The following CSE1L variants were observed in gnomAD, a reference collection of about 807,000 sequenced individuals.
The protein encoded by CSE1L is exportin-2.
Under a neutral mutation model 120.4 loss-of-function variants are expected in CSE1L, and 24 were observed. The ratio of observed to expected loss-of-function variants is 0.20; its 90% confidence interval spans 0.14 to 0.28. The LOEUF (loss-of-function observed/expected upper bound fraction) is 0.28. CSE1L is among the 10% of genes least tolerant of loss of function. CSE1L has a pLI of 1.00. For missense variants in CSE1L, 830 were observed against 1,145.2 expected, an observed-to-expected ratio of 0.72 and a Z score of 3.97; for synonymous variants, 402 against 398.3, an observed-to-expected ratio of 1.01 and a Z score of -0.11.
intron 14 of CSE1L, among the ~76,000 whole-genome samples, chr20:49,081,971 TTC>T (rs1411648915): frequency 6.6e-6 from 1 of 152,222 alleles, no homozygotes; most frequent in East Asian, 1.9e-4. Context: ...GTCAGTCCCT[TTC>T]TCTCTATAGG....
intron 1 of CSE1L, among the ~76,000 whole-genome samples, chr20:49,055,392 G>A (rs1568762079): frequency 1.3e-5 from 2 of 152,152 alleles, no homozygotes; most frequent in Non-Finnish European, 2.9e-5. Context: ...TCTAGGACAG[G>A]AACTTGATTG....
chr20:49,082,333 AG>A (rs2092019349), intron 14 of CSE1L, among the ~76,000 whole-genome samples: 1 of 151,426 alleles, frequency 6.6e-6, no homozygotes, highest in Admixed American at 6.6e-5. Context: ...TGGTAGAGAC[AG>A]GGTTTTGCCA....
intron 19 of CSE1L, among the ~76,000 whole-genome samples, chr20:49,090,339 C>T (rs2092091353): frequency 6.6e-6 from 1 of 152,146 alleles, no homozygotes; most frequent in Non-Finnish European, 1.5e-5. Context: ...GGGCAGATCA[C>T]CTGAGGTCAG....
intron 19 of CSE1L, among the ~76,000 whole-genome samples, chr20:49,090,235 A>G (rs1053666396): frequency 6.6e-6 from 1 of 152,224 alleles, no homozygotes; most frequent in Admixed American, 6.5e-5. Context: ...GGAAAATTTT[A>G]AAAACAGAGC....
intron 1 of CSE1L, among the ~76,000 whole-genome samples, chr20:49,053,310 C>T (rs1490715697): frequency 6.8e-6 from 1 of 146,816 alleles, no homozygotes; most frequent in Non-Finnish European, 1.5e-5. Flanking sequence ...CTCAGATACA[C>T]TGATGTTAAT....
At chr20:49,056,351 C>T (rs575297950) in intron 1 of CSE1L, among the ~76,000 whole-genome samples, 16 of 152,202 alleles carry the variant, frequency 1.1e-4, no homozygotes, top group Middle Eastern at 3.4e-3. Context: ...TGATCCACCC[C>T]CCTCAGCCTC....
intron 10 of CSE1L, among the ~76,000 whole-genome samples, chr20:49,073,991 G>A (rs1467819824): frequency 6.6e-6 from 1 of 151,974 alleles, no homozygotes; most frequent in East Asian, 1.9e-4. Flanking sequence ...GAGGTGGGAG[G>A]AACACTTGAG....
intron 2 of CSE1L, among the ~76,000 whole-genome samples, chr20:49,059,920 C>T (rs2091838787): frequency 6.6e-6 from 1 of 151,730 alleles, no homozygotes; most frequent in South Asian, 2.1e-4. Context: ...GGTTGGTGGT[C>T]ACGCCTTTAA....
intron 22 of CSE1L, among the ~76,000 whole-genome samples, 183 bp from the exon 23 acceptor site, chr20:49,093,957 A>G (rs1481233483): frequency 1.3e-5 from 2 of 151,950 alleles, no homozygotes; most frequent in Non-Finnish European, 2.9e-5. Context: ...GCATTTGGCT[A>G]CAGGGTAGAG....
At chr20:49,073,053 C>G (rs2091944317) in intron 10 of CSE1L, among the ~76,000 whole-genome samples, 2 of 152,240 alleles carry the variant, frequency 1.3e-5, no homozygotes, top group African/African-American at 4.8e-5. Context: ...GCTCTGTCAC[C>G]CAGGCTGGAG....
At chr20:49,052,702 C>T (rs1272073750) in intron 1 of CSE1L, among the ~76,000 whole-genome samples, 1 of 152,160 alleles carries the variant, frequency 6.6e-6, no homozygotes, top group Non-Finnish European at 1.5e-5. Flanking sequence ...GATCACAACT[C>T]ACAGCAGTCT....
chr20:49,077,296 A>G (rs2091976924), intron 13 of CSE1L, among the ~76,000 whole-genome samples: 1 of 151,656 alleles, frequency 6.6e-6, no homozygotes, highest in African/African-American at 2.4e-5. Context: ...AGCAGCTGGG[A>G]CTACAGGCAC....
At position 49,070,282 on chromosome 20, in the gene CSE1L, G is replaced by A. The variant is rs752143269; in HGVS notation, c.753G>A (p.Lys251=). The A allele has an allele frequency of 7.1e-7, 1 of 1,400,044 alleles. No individual in the cohort carries two copies. The highest frequency in any genetic ancestry group is 9.9e-7 in the Non-Finnish European group (1 of 1,009,448). The allele number at this position is 1,400,044 out of a possible 1,614,324, so 86.7% of individuals were successfully genotyped here. Residue 251 remains lysine (K), a synonymous_variant, in exon 8 of 25, where the codon AAG becomes AAA. Transcript: ENST00000262982. The part of the protein sequence containing the change: ...NFHTLLTLDN[K]LLQTDDEEEA... ...ATACTCTCTTAACATTGGATAATAA[G>A]CTTTTACAAACTGATGTAAGTATTT...
rs541441151 is a variant in CSE1L, at chr20:49,075,324, A to G, written c.1139A>G (p.Asp380Gly). 51 of 1,612,662 alleles carry G rather than the reference A, an allele frequency of 3.2e-5. No homozygotes were observed. The highest frequency in any genetic ancestry group is 4.3e-5 in the Non-Finnish European group (51 of 1,179,212). ...IRRDLEGSDI[D>G]TRRRAACDLV... ...TTTTCTTTTCATTTCATAGATATTG[A>G]TACTAGACGCAGGGCTGCTTGTGAT... Residue 380 changes from aspartate (D) to glycine (G), a missense_variant, in exon 12 of 25, where the codon GAT becomes GGT. Transcript: ENST00000262982.
At chr20:49,058,174 C>G (rs117291268) in intron 1 of CSE1L, among the ~76,000 whole-genome samples, 1 of 152,026 alleles carries the variant, frequency 6.6e-6, no homozygotes. Flanking sequence ...TTGGTGACTT[C>G]GAGCAGTCCT....
intron 2 of CSE1L, among the ~76,000 whole-genome samples, chr20:49,062,480 G>C (rs1348334563): frequency 6.6e-6 from 1 of 152,078 alleles, no homozygotes; most frequent in East Asian, 1.9e-4. Context: ...ATGTAATCTG[G>C]GTTGAAAATC....
At chr20:49,065,313 ATTTT>A (rs376073464) in intron 3 of CSE1L, among the ~76,000 whole-genome samples, 9 of 52,110 alleles carry the variant, frequency 1.7e-4, no homozygotes, top group Admixed American at 1.6e-3. Flanking sequence ...TGAAAAAAAA[ATTTT>A]TTTTTTTTTT....
At position 49,066,207 on chromosome 20, in the gene CSE1L, A is replaced by G. The variant is rs201843660; in HGVS notation, c.244A>G (p.Asn82Asp). ...TTGCTTTTAGGTTGAAGATGAACCAAACAAAATTTGTGAAGCCGATCGAGT... is the reference window on the plus strand; with the variant it reads ...TTGCTTTTAGGTTGAAGATGAACCAGACAAAATTTGTGAAGCCGATCGAGT... Reference protein sequence around the residue: ...RNWRIVEDEPNKICEADRVAI... With the variant: ...RNWRIVEDEPDKICEADRVAI... Residue 82 changes from asparagine (N) to aspartate (D), a missense_variant, in exon 4 of 25, where the codon AAC becomes GAC. By Grantham distance (23) the Asn-to-Asp change is conservative (BLOSUM62 1). Around this residue, in one of 4 missense-constraint regions of CSE1L, gnomAD observed 543 missense variants for 640.2 expected, o/e 0.85. Transcript: ENST00000262982. 1.2e-6 allele frequency: 2 copies of G among 1,614,218 alleles called. No homozygotes were observed. Among genetic ancestry groups the G allele is most frequent in the African/African-American group, 1.3e-5 (1 of 75,074 alleles).
In CSE1L at chr20:49,093,668, G is replaced by A. The variant is rs188143912; in HGVS notation, c.2448-472G>A. 3.6e-3 allele frequency among the ~76,000 whole-genome samples: 536 copies of A among 148,430 alleles called. 3 individuals carry two copies. The highest frequency in any genetic ancestry group is 0.013 in the African/African-American group (516 of 40,194). The stretch of plus-strand genomic sequence containing the variant: ...ATGGTGGCTCACGCCTGTAATCCTA[G>A]CACTTTGGGAGGCTGAGGCAGGTGG... On this transcript the variant is annotated intron_variant, in intron 22 of 24. Coordinates refer to ENST00000262982, the MANE Select transcript of CSE1L (RefSeq NM_001316.4).
Sources: allele counts gnomAD v4.1 joint callset (sites outside exome capture counted in the v4.1 genomes callset), GRCh38; gene constraint gnomAD v4.1.1; regional missense constraint gnomAD v4.1.1; transcripts MANE v1.5; gene names NCBI Gene and HGNC (gene_info 2026-07-23, HGNC 2026-07-21).